DMAC2L: variants seen among roughly 807,000 people sequenced by gnomAD.
DMAC2L encodes ATP synthase subunit s, mitochondrial.
A neutral mutation model predicts 22.5 loss-of-function variants in DMAC2L; 21 were observed. The ratio of observed to expected loss-of-function variants is 0.93; its 90% CI spans 0.66 to 1.34. DMAC2L has a LOEUF of 1.34. Among genes scored for constraint, DMAC2L ranks in the 40% most tolerant of loss-of-function variants. DMAC2L has a pLI of 0.00. For synonymous variants in DMAC2L, 86 were observed against 89.5 expected (o/e 0.96, Z 0.22); for missense variants, 239 against 246.5 (o/e 0.97, Z 0.20).
At chr14:50,317,637 G>T (rs1460092499) in intron 2 of DMAC2L, among the ~76,000 whole-genome samples, 1 of 152,138 alleles carries the variant, frequency 6.6e-6, no homozygotes, top group East Asian at 1.9e-4. Context: ...GGACGTGGTG[G>T]TGGGCGCCTG....
At chr14:50,322,158 C>G (rs542728366) in intron 3 of DMAC2L, among the ~76,000 whole-genome samples, 1 of 152,306 alleles carries the variant, frequency 6.6e-6, no homozygotes, top group Non-Finnish European at 1.5e-5. Flanking sequence ...GTTATTAATA[C>G]AAATTCTAAC....
chr14:50,321,731 C>A, intron 3 of DMAC2L, 137 bp downstream of exon 3: 1 of 537,386 alleles, frequency 1.9e-6, no homozygotes, highest in Non-Finnish European at 3.2e-6. Flanking sequence ...AAACAAAACC[C>A]ACACAAACAT....
At chr14:50,323,060 C>G (rs2032413020) in intron 4 of DMAC2L, 1 of 977,920 alleles carries the variant, frequency 1.0e-6, no homozygotes, top group African/African-American at 1.8e-5. Context: ...ACAGCTTCTG[C>G]TTACGTGGGC....
At chr14:50,320,878 T>C (rs2032206371) in intron 2 of DMAC2L, among the ~76,000 whole-genome samples, 1 of 152,220 alleles carries the variant, frequency 6.6e-6, no homozygotes, top group African/African-American at 2.4e-5. Context: ...GTTATACATT[T>C]TGACAGCTGG....
intron 2 of DMAC2L, 197 bp from the exon 3 acceptor site, chr14:50,321,286 A>C: frequency 9.5e-7 from 1 of 1,053,312 alleles, no homozygotes; most frequent in Non-Finnish European, 1.2e-6. Flanking sequence ...GACACCATCC[A>C]GTCCAACCCC....
rs369333949 is a variant in DMAC2L at position 50,322,576 on chromosome 14, G to C, written c.173G>C (p.Cys58Ser). Reference sequence around the variant, plus strand: ...GCGGCATCCGAGTGGTTGCTGCGCTGTGGGGCCATGGTGCGCTACCATGGC... The same window carrying C: ...GCGGCATCCGAGTGGTTGCTGCGCTCTGGGGCCATGGTGCGCTACCATGGC... ...DRAASEWLLR[C>S]GAMVRYHGQE... Residue 58 changes from cysteine (C) to serine (S), a missense_variant, in exon 4 of 6, where the codon TGT becomes TCT. By Grantham distance (112) the Cys-to-Ser change is moderately radical. Transcript: ENST00000557421. 2 of 1,614,168 alleles carry C rather than the reference G, an allele frequency of 1.2e-6. No individual in the cohort carries two copies.
chr14:50,312,979 CTG>C (rs2031386653), intron 1 of DMAC2L: 3 of 1,613,838 alleles, frequency 1.9e-6, no homozygotes, highest in Non-Finnish European at 2.5e-6. Context: ...ATTTATAAGT[CTG>C]TGTCCTTTTC....
chr14:50,320,197 G>A (rs1399537176), intron 2 of DMAC2L, among the ~76,000 whole-genome samples: 1 of 152,302 alleles, frequency 6.6e-6, no homozygotes, highest in Non-Finnish European at 1.5e-5. Flanking sequence ...GGGTTCAAGC[G>A]ATTCTCCTGC....
chr14:50,313,095 G>A (rs2031402981), intron 1 of DMAC2L: 1 of 1,521,256 alleles, frequency 6.6e-7, no homozygotes, highest in African/African-American at 1.4e-5. Context: ...GTAAAAATGA[G>A]GGCGATGGGC....
chr14:50,315,367 G>A (rs1424452008), intron 2 of DMAC2L, among the ~76,000 whole-genome samples: 1 of 151,286 alleles, frequency 6.6e-6, no homozygotes, highest in African/African-American at 2.4e-5. Context: ...ACTTCACTTA[G>A]AATAATAAAC....
intron 2 of DMAC2L, among the ~76,000 whole-genome samples, chr14:50,318,367 A>C (rs1204724758): frequency 6.6e-6 from 1 of 152,244 alleles, no homozygotes; most frequent in Non-Finnish European, 1.5e-5. Context: ...TTTTATGTTT[A>C]AAACATTTTA....
chr14:50,314,672 T>C (rs769083466), intron 2 of DMAC2L, 46 bp downstream of exon 2: 17 of 453,580 alleles, frequency 3.7e-5, no homozygotes, highest in African/African-American at 6.0e-5. Context: ...GACAGGGTTA[T>C]GCTCTGTTGC....
intron 4 of DMAC2L, 117 bp downstream of exon 4, chr14:50,322,836 T>A (rs2032395467): frequency 6.6e-7 from 1 of 1,526,506 alleles, no homozygotes; most frequent in South Asian, 1.2e-5. Flanking sequence ...TTCATTATAG[T>A]CAAGTTTGTT....
At chr14:50,317,792 G>C (rs2031936907) in intron 2 of DMAC2L, among the ~76,000 whole-genome samples, 3 of 151,898 alleles carry the variant, frequency 2.0e-5, no homozygotes, top group South Asian at 4.1e-4. Flanking sequence ...AAGGGGGGTG[G>C]TGGTGGTGAG....
chr14:50,316,059 C>T (rs917559117), intron 2 of DMAC2L, among the ~76,000 whole-genome samples: 15 of 152,278 alleles, frequency 9.9e-5, no homozygotes, highest in African/African-American at 7.2e-5. Flanking sequence ...ACCATATCCA[C>T]GCCAACATCT....
chr14:50,320,303 G>GT (rs1216239922), intron 2 of DMAC2L, among the ~76,000 whole-genome samples: 1 of 151,854 alleles, frequency 6.6e-6, no homozygotes, highest in African/African-American at 2.4e-5. Flanking sequence ...TAGAGACAGA[G>GT]TTTCACCGTG....
chr14:50,322,417 A>ATTTGTTGCGTTCTGTATTGTTTTT, intron 3 of DMAC2L, 94 bp from the exon 4 acceptor site: 1 of 1,289,436 alleles, frequency 7.8e-7, no homozygotes, highest in Non-Finnish European at 1.0e-6. Flanking sequence ...TGAAATGAAA[A>ATTTGTTGCGTTCTGTATTGTTTTT]TTTGTTGCGT....
intron 2 of DMAC2L, among the ~76,000 whole-genome samples, chr14:50,315,853 G>A (rs529273112): frequency 4.1e-4 from 62 of 152,146 alleles, no homozygotes; most frequent in African/African-American, 1.4e-3. Flanking sequence ...ATTGCAAATT[G>A]TGCTGCTATA....
At chr14:50,320,041 G>A (rs1370490222) in intron 2 of DMAC2L, among the ~76,000 whole-genome samples, 2 of 152,160 alleles carry the variant, frequency 1.3e-5, no homozygotes, top group Non-Finnish European at 2.9e-5. Context: ...ATGCTGCTGA[G>A]TCAATTTCTT....
Sources: gnomAD v4.1 joint callset for allele counts (sites outside exome capture counted in the v4.1 genomes callset) on GRCh38, gnomAD v4.1.1 for gene constraint, MANE v1.5 for transcripts, NCBI Gene and HGNC (gene_info 2026-07-23, HGNC 2026-07-21) for gene names.